SLC44A5: variants seen among roughly 807,000 people sequenced by gnomAD.
SLC44A5 encodes the protein choline transporter-like protein 5.
Under a neutral mutation model 101.8 loss-of-function variants are expected in SLC44A5, and 57 were observed. The observed-to-expected ratio is 0.56, with a 90% CI of 0.45 to 0.70. The LOEUF (loss-of-function observed/expected upper bound fraction) is 0.70, where lower values mean the gene tolerates loss of function less well. SLC44A5 is among the 30% of genes least tolerant of loss of function. The pLI, the probability that SLC44A5 is intolerant of heterozygous loss-of-function variation, is 0.00. For synonymous variants in SLC44A5, 281 were observed against 290.9 expected (o/e 0.97, Z 0.35); for missense variants, 737 against 853.1 (o/e 0.86, Z 1.70).
chr1:75,291,281 G>A (rs3914237), intron 5 of SLC44A5, among the ~76,000 whole-genome samples: 1,807 of 152,182 alleles, frequency 0.012, 53 homozygotes, highest in African/African-American at 0.041. Context: ...TAATGAGGAC[G>A]AGAGTTTATG....
chr1:75,262,769 A>G (rs926540740), intron 6 of SLC44A5, among the ~76,000 whole-genome samples: 13 of 152,262 alleles, frequency 8.5e-5, no homozygotes, highest in African/African-American at 3.1e-4. Flanking sequence ...GCATGGTACT[A>G]GTACCAAAAC....
chr1:75,679,405 G>A, the SLC44A5 span, among the ~76,000 whole-genome samples: 5 of 152,302 alleles, frequency 3.3e-5, no homozygotes, highest in East Asian at 5.8e-4. Context: ...CAGACTAACA[G>A]CGGATCTCTC....
intron 2 of SLC44A5, among the ~76,000 whole-genome samples, chr1:75,518,460 C>T (rs556329406): frequency 1.3e-5 from 2 of 152,112 alleles, no homozygotes; most frequent in African/African-American, 2.4e-5. Flanking sequence ...TCCTCAATAA[C>T]CCGTAAGCTG....
intron 6 of SLC44A5, among the ~76,000 whole-genome samples, chr1:75,265,980 G>C (rs1458455070): frequency 6.6e-6 from 1 of 152,144 alleles, no homozygotes; most frequent in Non-Finnish European, 1.5e-5. Flanking sequence ...GAGCTCAAGA[G>C]GCAGAGAAAG....
At chr1:75,556,663 G>A (rs1672232274) in intron 1 of SLC44A5, among the ~76,000 whole-genome samples, 2 of 152,088 alleles carry the variant, frequency 1.3e-5, no homozygotes, top group Non-Finnish European at 2.9e-5. Flanking sequence ...CAACTTCAGG[G>A]CATAAACAAA....
chr1:75,494,016 G>A (rs764547214), intron 2 of SLC44A5, among the ~76,000 whole-genome samples: 4 of 152,330 alleles, frequency 2.6e-5, no homozygotes, highest in Admixed American at 6.5e-5. Flanking sequence ...TTCTCTCACT[G>A]CTATGGTTTG....
At chr1:75,400,988 A>G (rs549508771) in intron 2 of SLC44A5, among the ~76,000 whole-genome samples, 1 of 152,276 alleles carries the variant, frequency 6.6e-6, no homozygotes, top group Middle Eastern at 3.4e-3. Flanking sequence ...AGACAAGGCA[A>G]CTGCTCTTGT....
intron 13 of SLC44A5, among the ~76,000 whole-genome samples, chr1:75,225,739 T>C (rs1032418517): frequency 6.6e-6 from 1 of 152,224 alleles, no homozygotes; most frequent in African/African-American, 2.4e-5. Flanking sequence ...GAGCAAGTAA[T>C]CAATTAAAAT....
At chr1:75,297,030 C>T (rs1431991242) in intron 5 of SLC44A5, among the ~76,000 whole-genome samples, 1 of 152,120 alleles carries the variant, frequency 6.6e-6, no homozygotes, top group African/African-American at 2.4e-5. Context: ...GCCAGGACTC[C>T]TCCACGTAGC....
chr1:75,708,837 A>G, the SLC44A5 span, among the ~76,000 whole-genome samples: 4 of 152,186 alleles, frequency 2.6e-5, no homozygotes, highest in Non-Finnish European at 5.9e-5. Flanking sequence ...AAATATTAAC[A>G]TAATTTATTT....
chr1:75,372,551 T>G (rs2101179992), intron 3 of SLC44A5, among the ~76,000 whole-genome samples: 1 of 152,318 alleles, frequency 6.6e-6, no homozygotes, highest in East Asian at 1.9e-4. Flanking sequence ...AGTGAATTTT[T>G]TCTTTGTAAA....
chr1:75,541,761 T>A (rs116199870), intron 1 of SLC44A5, among the ~76,000 whole-genome samples: 2,157 of 152,244 alleles, frequency 0.014, 57 homozygotes, highest in African/African-American at 0.049. Flanking sequence ...TCTATTTCAG[T>A]CCTTATATTT....
At chr1:75,656,283 T>C in the SLC44A5 span, among the ~76,000 whole-genome samples, 3 of 152,192 alleles carry the variant, frequency 2.0e-5, no homozygotes, top group African/African-American at 4.8e-5. Context: ...CTGAAAGAAA[T>C]AGACACTTAC....
chr1:75,294,946 A>T (rs1359915881), intron 5 of SLC44A5, among the ~76,000 whole-genome samples: 1 of 152,192 alleles, frequency 6.6e-6, no homozygotes, highest in Admixed American at 6.5e-5. Flanking sequence ...TAAGTTCTAG[A>T]GATCTGATTT....
At chr1:75,338,970 C>T (rs1657659557) in intron 4 of SLC44A5, among the ~76,000 whole-genome samples, 1 of 152,094 alleles carries the variant, frequency 6.6e-6, no homozygotes, top group Non-Finnish European at 1.5e-5. Context: ...AAAAAGCTTG[C>T]AAATAGAGGC....
At chr1:75,489,635 C>A (rs928166485) in intron 2 of SLC44A5, among the ~76,000 whole-genome samples, 3 of 152,162 alleles carry the variant, frequency 2.0e-5, no homozygotes, top group African/African-American at 7.2e-5. Context: ...GAGTCTCCAT[C>A]ATATCTTAGG....
At chr1:75,415,502 G>A (rs1172652066) in intron 2 of SLC44A5, among the ~76,000 whole-genome samples, 1 of 152,176 alleles carries the variant, frequency 6.6e-6, no homozygotes, top group Non-Finnish European at 1.5e-5. Context: ...TCACAAGTGT[G>A]AAAACAGACT....
chr1:75,663,496 A>T, the SLC44A5 span, among the ~76,000 whole-genome samples: 1 of 152,264 alleles, frequency 6.6e-6, no homozygotes, highest in South Asian at 2.1e-4. Context: ...CTAAGACACC[A>T]TTTCAAGAAA....
chr1:75,682,221 G>C, the SLC44A5 span, among the ~76,000 whole-genome samples: 2,398 of 152,170 alleles, frequency 0.016, 73 homozygotes, highest in African/African-American at 0.053. Flanking sequence ...ATCAAGCTAC[G>C]AATGCCTTTC....
Sources: allele counts gnomAD v4.1 joint callset (sites outside exome capture counted in the v4.1 genomes callset), GRCh38; gene constraint gnomAD v4.1.1; transcripts MANE v1.5; gene names NCBI Gene and HGNC (gene_info 2026-07-23, HGNC 2026-07-21).